The following FHAD1 variants were observed in gnomAD, a reference collection of about 807,000 sequenced individuals.
FHAD1 encodes forkhead associated phosphopeptide binding domain 1.
Under a neutral mutation model 191.3 loss-of-function variants are expected in FHAD1, and 146 were observed. The observed-to-expected ratio is 0.76, with a 90% CI of 0.67 to 0.88. FHAD1 has a LOEUF of 0.88. FHAD1 is among the 40% of genes least tolerant of loss of function. The pLI, the probability that FHAD1 is intolerant of heterozygous loss-of-function variation, is 0.00. For synonymous variants in FHAD1, 616 were observed against 672.3 expected (o/e 0.92, Z 1.29); for missense variants, 1,635 against 1,785.8 (o/e 0.92, Z 1.52).
At chr1:15,274,480 C>A (rs968494154) in intron 3 of FHAD1, among the ~76,000 whole-genome samples, 1 of 151,814 alleles carries the variant, frequency 6.6e-6, no homozygotes, top group Non-Finnish European at 1.5e-5. Context: ...GGCATGGTGG[C>A]GGGCGCCTGT....
intron 2 of FHAD1, among the ~76,000 whole-genome samples, chr1:15,256,584 T>C (rs918722042): frequency 2.1e-5 from 3 of 142,060 alleles, no homozygotes; most frequent in Admixed American, 1.5e-4. Context: ...ACCTGGGAGA[T>C]TGCAGTGAGC....
chr1:15,265,751 C>T lies in FHAD1; in HGVS notation c.94-6572C>T, dbSNP rs982228494. ...CTTTTGGAGGCTGAGGCGGGCAGATCACCTGAGGTCTGGAGTTTGAGACCA... is the reference window on the plus strand; with the variant it reads ...CTTTTGGAGGCTGAGGCGGGCAGATTACCTGAGGTCTGGAGTTTGAGACCA... On this transcript the variant is annotated intron_variant, in intron 2 of 33. Coordinates refer to ENST00000688493, the MANE Select transcript of FHAD1 (RefSeq NM_001391957.1). Among the ~76,000 whole-genome samples, 3 of 152,012 alleles carry T rather than the reference C, an allele frequency of 2.0e-5. No individual in the cohort carries two copies. In the East Asian group the frequency reaches 5.8e-4, roughly 29 times the overall value.
chr1:15,367,383 G>A (rs1241517534), intron 24 of FHAD1, 80 bp from the exon 25 acceptor site: 31 of 1,472,032 alleles, frequency 2.1e-5, no homozygotes, highest in South Asian at 6.6e-5. Flanking sequence ...GTAATCCCAC[G>A]TACACAAGAG....
rs1232265455 is a variant in FHAD1 at position 15,318,378 on chromosome 1, A to C, written c.1365+450A>C. 5.3e-5 allele frequency among the ~76,000 whole-genome samples: 8 copies of C among 152,254 alleles called. No homozygotes were observed. The highest frequency in any genetic ancestry group is 5.2e-4 in the Admixed American group (8 of 15,288). ...ATTAAAGCCGGTAGCTCACGCCTGTAATCCCAGCATTTTGGGAGGCTGAGG... is the reference window on the plus strand; with the variant it reads ...ATTAAAGCCGGTAGCTCACGCCTGTCATCCCAGCATTTTGGGAGGCTGAGG... On this transcript the variant is annotated intron_variant, in intron 10 of 33. Transcript: ENST00000688493. The surrounding 1 kb of genome is among the most constrained non-coding windows in gnomAD (Gnocchi z 4.1).
chr1:15,317,417 A>G (rs1674830435), intron 9 of FHAD1, among the ~76,000 whole-genome samples: 1 of 152,166 alleles, frequency 6.6e-6, no homozygotes. Flanking sequence ...TCTCTGCCTC[A>G]AACAAAAAAG....
rs951935800 is a variant in FHAD1, at chr1:15,398,091, A to T, written c.*678A>T. The T allele has an allele frequency of 1.3e-5, 2 of 151,442 alleles. No individual in the cohort carries two copies. The highest frequency in any genetic ancestry group is 4.9e-5 in the African/African-American group (2 of 41,114). 9.4% of individuals were successfully genotyped at this position (151,442 alleles called of 1,614,324 possible). On this transcript the variant is annotated 3_prime_UTR_variant, in exon 34 of 34. Transcript: ENST00000688493. The stretch of plus-strand genomic sequence containing the variant: ...GGTTGCAGTGAGCCAAGACCACGCC[A>T]TTGCACGCCAGCCTAACAGAGTGAG...
intron 21 of FHAD1, among the ~76,000 whole-genome samples, chr1:15,359,067 A>G (rs1340293211): frequency 6.6e-6 from 1 of 152,134 alleles, no homozygotes; most frequent in Non-Finnish European, 1.5e-5. Context: ...TGCACACTTC[A>G]GGCCAGGGCG....
chr1:15,385,652 G>A (rs1409115392), intron 31 of FHAD1, among the ~76,000 whole-genome samples: 1 of 152,094 alleles, frequency 6.6e-6, no homozygotes, highest in African/African-American at 2.4e-5. Flanking sequence ...CCACACACCT[G>A]TAATCTCAGC....
In FHAD1 at chr1:15,381,832, G is replaced by A. The variant is rs558511922; in HGVS notation, c.4023-196G>A. On this transcript the variant is annotated intron_variant, in intron 30 of 33. Coordinates refer to ENST00000688493, the MANE Select transcript of FHAD1 (RefSeq NM_001391957.1). This position sits in a 1 kb window ranked among gnomAD's most constrained non-coding sequence, Gnocchi z 4.6. The stretch of plus-strand genomic sequence containing the variant: ...GGTAGCACATCCTTTATCCCCTCCC[G>A]CTACACACATTCGGCTGATGAATGG... 1.8e-4 allele frequency among the ~76,000 whole-genome samples: 28 copies of A among 151,664 alleles called. No homozygotes were observed. Among genetic ancestry groups the A allele is most frequent in the South Asian group, 1.5e-3 (7 of 4,800 alleles).
In FHAD1 at chr1:15,374,486, C is replaced by T; in HGVS notation, c.3448-16C>T. The stretch of plus-strand genomic sequence containing the variant: ...TAATCCCTGATCAAATGCTGCCCGC[C>T]CCATTCTGCCCACAGCAGCAATCCT... On this transcript the variant is annotated splice_polypyrimidine_tract_variant and intron_variant, in intron 26 of 33. Transcript: ENST00000688493. 1.9e-6 allele frequency: 3 copies of T among 1,551,678 alleles called. No homozygotes were observed. Among genetic ancestry groups the T allele is most frequent in the Non-Finnish European group, 1.7e-6 (2 of 1,146,954 alleles).
intron 14 of FHAD1, 85 bp from the exon 15 acceptor site, chr1:15,339,396 G>C (rs1464569022): frequency 3.7e-6 from 2 of 544,214 alleles, no homozygotes; most frequent in African/African-American, 4.0e-5. Flanking sequence ...GTTTTGATGG[G>C]ATGGCAACGT....
In FHAD1 at chr1:15,280,442, T is replaced by C. The variant is rs1463720872; in HGVS notation, c.300+7913T>C. 2.6e-5 allele frequency among the ~76,000 whole-genome samples: 4 copies of C among 152,028 alleles called. No homozygotes were observed. In the East Asian group the frequency reaches 7.7e-4, roughly 29 times the overall value. On this transcript the variant is annotated intron_variant, in intron 3 of 33. Coordinates refer to ENST00000688493, the MANE Select transcript of FHAD1 (RefSeq NM_001391957.1). ...GCAGCAGACAGCCTCAGGCACAATGTCCTCGGCAAAAACACAGAAGGACTC... is the reference window on the plus strand; with the variant it reads ...GCAGCAGACAGCCTCAGGCACAATGCCCTCGGCAAAAACACAGAAGGACTC...
chr1:15,376,239 G>A (rs1471896753), intron 28 of FHAD1, among the ~76,000 whole-genome samples: 4 of 151,738 alleles, frequency 2.6e-5, no homozygotes, highest in South Asian at 4.2e-4. Flanking sequence ...ACAGGCACCC[G>A]CCACCACACC....
rs35431694 is a variant in FHAD1 at position 15,251,273 on chromosome 1, C to CAAA, written c.-14-488_-14-486dup. Among the ~76,000 whole-genome samples, 441 of 118,876 alleles carry CAAA rather than the reference C, an allele frequency of 3.7e-3. 1 individual carries two copies. The highest frequency in any genetic ancestry group is 0.012 in the Middle Eastern group (3 of 248). 78.0% of individuals were successfully genotyped at this position (118,876 alleles called of 152,430 possible). ...TGGATGACAAAGTGAGACCCTGTCT[C>CAAA]AAAAAAAAAAAACAAAAAAAACCAC... On this transcript the variant is annotated intron_variant, in intron 1 of 33. Coordinates refer to ENST00000688493, the MANE Select transcript of FHAD1 (RefSeq NM_001391957.1).
chr1:15,384,602 A>G (rs1431344226), intron 31 of FHAD1: 1 of 152,226 alleles, frequency 6.6e-6, no homozygotes, highest in East Asian at 1.9e-4. Flanking sequence ...CCCTAGGCAC[A>G]CACAATGCGG....
chr1:15,383,317 A>G (rs1490764632), intron 31 of FHAD1: 1 of 450,620 alleles, frequency 2.2e-6, no homozygotes, highest in African/African-American at 2.0e-5. Context: ...GCACCTGCCC[A>G]GGGCCTGGCA....
chr1:15,364,422 C>CTCA (rs1695772242), intron 23 of FHAD1: 1 of 152,184 alleles, frequency 6.6e-6, no homozygotes, highest in African/African-American at 2.4e-5. Flanking sequence ...CCAGCCTGGC[C>CTCA]AACATGGTGA....
At chr1:15,333,772 C>G (rs1358198946) in intron 14 of FHAD1, among the ~76,000 whole-genome samples, 8 of 151,270 alleles carry the variant, frequency 5.3e-5, no homozygotes, top group African/African-American at 9.7e-5. Context: ...GTACTTTTAT[C>G]CTCCCACCTA....
intron 32 of FHAD1, among the ~76,000 whole-genome samples, chr1:15,390,039 G>A (rs1377907679): frequency 6.6e-6 from 1 of 152,160 alleles, no homozygotes; most frequent in East Asian, 1.9e-4. Context: ...GCCTCATTTG[G>A]TCCATTTCAG....
Sources: gnomAD v4.1 joint callset for allele counts (sites outside exome capture counted in the v4.1 genomes callset) on GRCh38, gnomAD v4.1.1 for gene constraint, Gnocchi (gnomAD v3.1) non-coding constraint, MANE v1.5 for transcripts, NCBI Gene and HGNC (gene_info 2026-07-23, HGNC 2026-07-21) for gene names.